The following GABRB3 variants were observed in gnomAD, a reference collection of about 807,000 sequenced individuals.
The protein encoded by GABRB3 is gamma-aminobutyric acid receptor subunit beta-3.
Under a neutral mutation model 52.1 loss-of-function variants are expected in GABRB3, and 14 were observed. The ratio of observed to expected loss-of-function variants is 0.27; its 90% CI spans 0.18 to 0.42. The LOEUF is 0.42. Ranked by LOEUF, GABRB3 falls within the 10% of genes least tolerant of loss-of-function variation. The pLI, the probability that GABRB3 is intolerant of heterozygous loss-of-function variation, is 1.00. For synonymous variants in GABRB3, 260 were observed against 232.3 expected (o/e 1.12, Z -1.08); for missense variants, 307 against 609.1 (o/e 0.50, Z 5.22).
intron 3 of GABRB3, among the ~76,000 whole-genome samples, chr15:26,687,733 G>T (rs1888452888): frequency 1.3e-5 from 2 of 152,208 alleles, no homozygotes; most frequent in African/African-American, 4.8e-5. Context: ...CACACCGATT[G>T]CTTCTGCTGC....
chr15:26,772,818 C>T, intron 1 of GABRB3, 46 bp from the exon 2 acceptor site: 1 of 1,480,742 alleles, frequency 6.8e-7, no homozygotes, highest in East Asian at 2.9e-5. Flanking sequence ...AGGGGCGGCT[C>T]AGCCGCCAGC....
At chr15:26,650,057 T>C (rs1197034365) in intron 3 of GABRB3, among the ~76,000 whole-genome samples, 1 of 152,052 alleles carries the variant, frequency 6.6e-6, no homozygotes, top group Non-Finnish European at 1.5e-5. Context: ...TTGTGTAGCC[T>C]TGTTCAGCTA....
chr15:26,730,764 ATC>A (rs960934288), intron 3 of GABRB3, among the ~76,000 whole-genome samples: 3 of 152,228 alleles, frequency 2.0e-5, no homozygotes, highest in African/African-American at 7.2e-5. Context: ...TAAATCCTCC[ATC>A]TGTTTTTTGC....
At chr15:26,617,735 G>A (rs1892313313) in intron 4 of GABRB3, among the ~76,000 whole-genome samples, 1 of 152,128 alleles carries the variant, frequency 6.6e-6, no homozygotes, top group Non-Finnish European at 1.5e-5. Context: ...GTCCCTGTTT[G>A]CAGACGACAT....
chr15:26,615,859 A>G, intron 4 of GABRB3: 2 of 1,232,776 alleles, frequency 1.6e-6, no homozygotes, highest in Non-Finnish European at 2.1e-6. Flanking sequence ...TGAAGGTCTC[A>G]GTGATACAGC....
intron 3 of GABRB3, among the ~76,000 whole-genome samples, chr15:26,641,815 C>G (rs1267080651): frequency 6.6e-6 from 1 of 152,144 alleles, no homozygotes; most frequent in Non-Finnish European, 1.5e-5. Context: ...GGAAAACAGA[C>G]AGCTGACCCT....
chr15:26,657,551 C>A (rs1887412925), intron 3 of GABRB3, among the ~76,000 whole-genome samples: 1 of 152,112 alleles, frequency 6.6e-6, no homozygotes, highest in African/African-American at 2.4e-5. Flanking sequence ...AGCTGAAGAC[C>A]AGAAAAGGGA....
At chr15:26,759,363 C>A (rs2140181236) in intron 3 of GABRB3, among the ~76,000 whole-genome samples, 1 of 152,340 alleles carries the variant, frequency 6.6e-6, no homozygotes, top group African/African-American at 2.4e-5. Context: ...CCAGTTCAAG[C>A]AATTCTCCTG....
At chr15:26,769,455 C>T (rs1447440710) in intron 3 of GABRB3, among the ~76,000 whole-genome samples, 1 of 152,128 alleles carries the variant, frequency 6.6e-6, no homozygotes, top group African/African-American at 2.4e-5. Context: ...AAACCTTTAC[C>T]ATTTATAGGC....
At chr15:26,647,804 G>GT (rs962861413) in intron 3 of GABRB3, among the ~76,000 whole-genome samples, 1 of 152,172 alleles carries the variant, frequency 6.6e-6, no homozygotes, top group African/African-American at 2.4e-5. Flanking sequence ...GAGCGGGGCT[G>GT]CCTGGCCAGC....
At chr15:26,763,586 A>G (rs1378645506) in intron 3 of GABRB3, among the ~76,000 whole-genome samples, 1 of 130,616 alleles carries the variant, frequency 7.7e-6, no homozygotes, top group African/African-American at 2.9e-5. Context: ...TTCTTTCACA[A>G]CCATTTTTGG....
chr15:26,660,927 A>G (rs948994982), intron 3 of GABRB3, among the ~76,000 whole-genome samples: 4 of 152,122 alleles, frequency 2.6e-5, no homozygotes, highest in African/African-American at 9.7e-5. Context: ...TGCATCCTGC[A>G]TGCACCACTG....
At chr15:26,634,526 T>C (rs770586877) in intron 3 of GABRB3, among the ~76,000 whole-genome samples, 8 of 152,148 alleles carry the variant, frequency 5.3e-5, no homozygotes, top group Admixed American at 2.0e-4. Context: ...GATGTCGCCA[T>C]GGCAACGGAT....
intron 3 of GABRB3, among the ~76,000 whole-genome samples, chr15:26,648,464 T>C (rs1887082128): frequency 6.6e-6 from 1 of 152,060 alleles, no homozygotes; most frequent in Admixed American, 6.6e-5. Context: ...TTAAAATAAG[T>C]GGAGGTTTTG....
intron 3 of GABRB3, among the ~76,000 whole-genome samples, chr15:26,690,846 C>T (rs995771011): frequency 7.3e-5 from 11 of 149,894 alleles, no homozygotes; most frequent in Non-Finnish European, 1.3e-4. Context: ...AAAATTCTTG[C>T]TCTGTTTGAT....
chr15:26,580,578 T>G, intron 5 of GABRB3, 122 bp from the exon 6 acceptor site: 2 of 1,258,734 alleles, frequency 1.6e-6, no homozygotes, highest in Non-Finnish European at 2.3e-6. Context: ...TTGCTTAATG[T>G]GCTTGTCTAG....
chr15:26,707,005 A>C (rs563707187), intron 3 of GABRB3, among the ~76,000 whole-genome samples: 1 of 152,216 alleles, frequency 6.6e-6, no homozygotes, highest in Non-Finnish European at 1.5e-5. Flanking sequence ...TCGGAGTGCC[A>C]GGAAGGATGA....
At chr15:26,695,423 T>C (rs1888707442) in intron 3 of GABRB3, among the ~76,000 whole-genome samples, 2 of 110,778 alleles carry the variant, frequency 1.8e-5, no homozygotes, top group Admixed American at 9.3e-5. Flanking sequence ...TCAGAAACCA[T>C]GAAAACATAG....
chr15:26,757,042 A>G (rs1439297168), intron 3 of GABRB3, among the ~76,000 whole-genome samples: 2 of 152,198 alleles, frequency 1.3e-5, no homozygotes, highest in Non-Finnish European at 2.9e-5. Context: ...AGCTAAACTA[A>G]ATAGAATTTA....
Sources: gnomAD v4.1 joint callset for allele counts (sites outside exome capture counted in the v4.1 genomes callset) on GRCh38, gnomAD v4.1.1 for gene constraint, MANE v1.5 for transcripts, NCBI Gene and HGNC (gene_info 2026-07-23, HGNC 2026-07-21) for gene names.